TCF12: variants seen among roughly 807,000 people sequenced by gnomAD.
TCF12 encodes the protein DNA-binding protein HTF4.
A neutral mutation model predicts 86.0 loss-of-function variants in TCF12; 45 were observed. The ratio of observed to expected loss-of-function variants is 0.52; its 90% CI spans 0.41 to 0.67. The LOEUF (loss-of-function observed/expected upper bound fraction) is 0.67, where lower values mean the gene tolerates loss of function less well. Ranked by LOEUF, TCF12 falls within the 30% of genes least tolerant of loss-of-function variation. The pLI is 0.00. For missense variants in TCF12, 881 were observed against 859.9 expected (o/e 1.02, Z -0.31); for synonymous variants, 330 against 299.6 (o/e 1.10, Z -1.05).
chr15:56,918,470 T>G, upstream of TCF12: 2 of 332,862 alleles, frequency 6.0e-6, no homozygotes, highest in East Asian at 1.0e-4. Context: ...CGGCCCCAAC[T>G]CCGTCCCGCC....
chr15:56,952,150 AAT>A (rs2061304239), intron 3 of TCF12, among the ~76,000 whole-genome samples: 1 of 151,088 alleles, frequency 6.6e-6, no homozygotes, highest in Admixed American at 6.6e-5. Context: ...TGTGAACAAA[AAT>A]AGTTTATTGT....
rs192429436 is a variant in TCF12 at position 57,212,747 on chromosome 15, G to C, written c.579+14922G>C. Among the ~76,000 whole-genome samples the C allele has an allele frequency of 1.3e-3, 205 of 152,240 alleles. 2 individuals carry two copies. Among genetic ancestry groups the C allele is most frequent in the African/African-American group, 4.4e-3 (183 of 41,546 alleles). ...TAGGAAGTCTTTGGCCTAGTTTAAT[G>C]GTTTAATGCCTGCATTTTACAGAAA... On this transcript the variant is annotated intron_variant, in intron 8 of 20. Coordinates refer to ENST00000333725, the MANE Select transcript of TCF12 (RefSeq NM_207037.2).
Position 57,032,685 on chromosome 15 carries a change from T to A in TCF12, c.149-31065T>A, listed in dbSNP as rs570220440. On this transcript the variant is annotated intron_variant, in intron 3 of 20. Coordinates refer to ENST00000333725, the MANE Select transcript of TCF12 (RefSeq NM_207037.2). ...GTCTTGAAATCCTGGGCTCAAGTGA[T>A]TCTCCCACCTAGGCCTCCAAGAGTG... is the stretch of plus-strand genomic sequence containing the variant. 1.1e-4 allele frequency among the ~76,000 whole-genome samples: 16 copies of A among 152,292 alleles called. No homozygotes were observed. In the South Asian group the frequency reaches 3.3e-3, roughly 32 times the overall value.
At chr15:57,250,546 T>C (rs2060060629) in intron 13 of TCF12, among the ~76,000 whole-genome samples, 1 of 152,010 alleles carries the variant, frequency 6.6e-6, no homozygotes, top group Admixed American at 6.6e-5. Context: ...CTGGCCAACG[T>C]AGTGAAACGT....
intron 8 of TCF12, among the ~76,000 whole-genome samples, chr15:57,214,837 A>G (rs1340865229): frequency 6.6e-6 from 1 of 152,142 alleles, no homozygotes; most frequent in African/African-American, 2.4e-5. Flanking sequence ...ACAAAAATCA[A>G]GTCTTTGATT....
At chr15:57,219,559 A>C in intron 8 of TCF12, 1 of 1,613,510 alleles carries the variant, frequency 6.2e-7, no homozygotes, top group Non-Finnish European at 8.5e-7. Flanking sequence ...ATGGGCAGCA[A>C]TTCTTTGATG....
intron 5 of TCF12, among the ~76,000 whole-genome samples, chr15:57,132,534 G>C (rs779856747): frequency 6.6e-6 from 1 of 152,174 alleles, no homozygotes; most frequent in African/African-American, 2.4e-5. Flanking sequence ...TTCTGGCTCT[G>C]ATGATTGATG....
chr15:56,990,099 T>TG (rs1251307840), intron 3 of TCF12, among the ~76,000 whole-genome samples: 2 of 151,928 alleles, frequency 1.3e-5, no homozygotes, highest in Non-Finnish European at 1.5e-5. Flanking sequence ...GGCAAAAACT[T>TG]CGGTAGTTTC....
At chr15:56,966,161 A>G (rs1339419534) in intron 3 of TCF12, among the ~76,000 whole-genome samples, 1 of 152,158 alleles carries the variant, frequency 6.6e-6, no homozygotes, top group Admixed American at 6.5e-5. Flanking sequence ...TATTAACTAT[A>G]GTTATTTCTT....
At chr15:57,006,555 G>C (rs2064387095) in intron 3 of TCF12, among the ~76,000 whole-genome samples, 1 of 151,952 alleles carries the variant, frequency 6.6e-6, no homozygotes, top group African/African-American at 2.4e-5. Flanking sequence ...CACTTTGGGA[G>C]GTCGAGGCAG....
chr15:56,983,488 C>T (rs574772958), intron 3 of TCF12, among the ~76,000 whole-genome samples: 59 of 152,152 alleles, frequency 3.9e-4, no homozygotes, highest in Middle Eastern at 3.4e-3. Context: ...TTGGATTTGC[C>T]TTGGAATCCA....
chr15:57,017,741 T>TTA (rs2065236474), intron 3 of TCF12, among the ~76,000 whole-genome samples: 1 of 151,458 alleles, frequency 6.6e-6, no homozygotes, highest in South Asian at 2.1e-4. Flanking sequence ...TTTTTTTTTT[T>TTA]TTGCCTGAAC....
At chr15:57,262,333 A>G (rs950101203) in intron 17 of TCF12, 125 bp downstream of exon 17, 2 of 726,136 alleles carry the variant, frequency 2.8e-6, no homozygotes, top group Non-Finnish European at 4.5e-6. Context: ...AATTCCAAAT[A>G]GCGTGGAGAG....
intron 5 of TCF12, among the ~76,000 whole-genome samples, chr15:57,110,900 A>G (rs76450067): frequency 0.067 from 10,139 of 152,080 alleles, 875 homozygotes; most frequent in East Asian, 0.26. Context: ...AAAAGGGGGG[A>G]AAATTTGATA....
chr15:57,277,656 G>C (rs1002478355), intron 19 of TCF12, among the ~76,000 whole-genome samples: 1 of 151,710 alleles, frequency 6.6e-6, no homozygotes, highest in African/African-American at 2.4e-5. Context: ...AATTAAGTTG[G>C]CTGGGCACAG....
intron 5 of TCF12, among the ~76,000 whole-genome samples, chr15:57,137,155 A>G (rs1021881504): frequency 2.6e-5 from 4 of 150,944 alleles, no homozygotes; most frequent in African/African-American, 4.9e-5. Flanking sequence ...AATTTTTTGT[A>G]TTTTTAGTAG....
intron 5 of TCF12, among the ~76,000 whole-genome samples, chr15:57,136,988 T>G (rs2052588689): frequency 1.0e-5 from 1 of 95,610 alleles, no homozygotes; most frequent in African/African-American, 4.0e-5. Flanking sequence ...TTTTTTTTTT[T>G]TTTTTTTTTG....
At chr15:57,182,131 G>A (rs1028211046) in intron 6 of TCF12, among the ~76,000 whole-genome samples, 1 of 151,918 alleles carries the variant, frequency 6.6e-6, no homozygotes, top group Non-Finnish European at 1.5e-5. Context: ...TCTTTTTGCC[G>A]GAGATACCTC....
chr15:57,004,088 C>G (rs2064205441), intron 3 of TCF12, among the ~76,000 whole-genome samples: 1 of 151,908 alleles, frequency 6.6e-6, no homozygotes, highest in East Asian at 1.9e-4. Flanking sequence ...AAGAGTGACT[C>G]TCACTTTAAG....
Sources: allele counts gnomAD v4.1 joint callset (sites outside exome capture counted in the v4.1 genomes callset), GRCh38; gene constraint gnomAD v4.1.1; transcripts MANE v1.5; gene names NCBI Gene and HGNC (gene_info 2026-07-23, HGNC 2026-07-21).